RGS20: variants seen among roughly 807,000 people sequenced by gnomAD.
The protein encoded by RGS20 is regulator of G protein signaling 20, also known as gz-selective GTPase-activating protein.
A neutral mutation model predicts 33.6 loss-of-function variants in RGS20; 30 were observed. The observed-to-expected ratio is 0.89, with a 90% CI of 0.67 to 1.21. The LOEUF (loss-of-function observed/expected upper bound fraction) is 1.21. RGS20 is among the 50% of genes most tolerant of loss of function. RGS20 has a pLI of 0.00. For missense variants in RGS20, 472 were observed against 502.4 expected, an observed-to-expected ratio of 0.94 and a Z score of 0.58; for synonymous variants, 208 against 197.9, an observed-to-expected ratio of 1.05 and a Z score of -0.43.
rs1713529010 is a variant in RGS20 at position 53,958,352 on chromosome 8, T to A, written c.1061T>A (p.Leu354His). The A allele has an allele frequency of 1.2e-6, 2 of 1,613,762 alleles. No homozygotes were observed. Among genetic ancestry groups the A allele is most frequent in the African/African-American group, 2.7e-5 (2 of 74,884 alleles). ...CAACACATATTCGATGATGCTCAAC[T>A]TCAGATTTACACCCTGATGCACAGA... The change falls in exon 6 of 6, where the codon CTT becomes CAT. Residue 354 changes from leucine (L) to histidine (H), a missense_variant. Physicochemically the swap from Leu to His is moderately conservative, Grantham distance 99. Transcript: ENST00000297313.
chr8:53,909,589 T>C (rs970409801), intron 2 of RGS20, among the ~76,000 whole-genome samples: 1 of 152,006 alleles, frequency 6.6e-6, no homozygotes, highest in Non-Finnish European at 1.5e-5. Context: ...GTTATTATAA[T>C]AGTGTACAGG....
chr8:53,924,277 C>A (rs1384475443), intron 2 of RGS20, among the ~76,000 whole-genome samples: 1 of 151,982 alleles, frequency 6.6e-6, no homozygotes, highest in Non-Finnish European at 1.5e-5. Flanking sequence ...GCAACCTCCG[C>A]CTCCCGGGTT....
chr8:53,880,946 G>T lies in RGS20; in HGVS notation c.510+1344G>T. The stretch of plus-strand genomic sequence containing the variant: ...AGAGCCGGAGAAAGGCGAAAGGCGC[G>T]GTGAGCAATCGCCGACGTAGAGAGG... On this transcript the variant is annotated intron_variant, in intron 2 of 5. Coordinates refer to ENST00000297313, the MANE Select transcript of RGS20 (RefSeq NM_170587.4). 1.9e-6 allele frequency: 3 copies of T among 1,564,060 alleles called. No individual in the cohort carries two copies. The African/African-American group carries it at 4.0e-5, about 21-fold the overall frequency.
intron 4 of RGS20, 32 bp from the exon 4 acceptor site, chr8:53,954,044 C>T (rs756569098): frequency 1.7e-5 from 25 of 1,450,184 alleles, no homozygotes; most frequent in Non-Finnish European, 2.4e-5. Flanking sequence ...TAACAGTTCC[C>T]TTTTGCCCCC....
At chr8:53,918,471 C>T (rs1188733611) in intron 2 of RGS20, among the ~76,000 whole-genome samples, 1 of 151,712 alleles carries the variant, frequency 6.6e-6, no homozygotes, top group East Asian at 1.9e-4. Context: ...TTGCTGCAAC[C>T]TCTGCCTCCC....
rs34316630 is a variant in RGS20 at position 53,889,412 on chromosome 8, C to CTT, written c.510+9848_510+9849dup. On this transcript the variant is annotated intron_variant, in intron 2 of 5. Transcript: ENST00000297313. ...TCTTTCTTTCTTTCTCTCTCTCTCT[C>CTT]TTTTTTTTTTTTTTTTTTTTTTTTT... 6.4e-3 allele frequency among the ~76,000 whole-genome samples: 266 copies of CTT among 41,814 alleles called. 61 individuals carry two copies. Among genetic ancestry groups the CTT allele is most frequent in the Non-Finnish European group, 8.8e-3 (142 of 16,088 alleles). 27.4% of individuals were successfully genotyped at this position (41,814 alleles called of 152,430 possible).
chr8:53,900,277 A>G (rs1812974941), intron 2 of RGS20, among the ~76,000 whole-genome samples: 1 of 152,106 alleles, frequency 6.6e-6, no homozygotes, highest in Non-Finnish European at 1.5e-5. Flanking sequence ...GAATAGGTGG[A>G]ACTACAGGTG....
intron 4 of RGS20, among the ~76,000 whole-genome samples, chr8:53,951,824 C>A (rs1039820130): frequency 6.6e-6 from 1 of 151,952 alleles, no homozygotes; most frequent in Non-Finnish European, 1.5e-5. Flanking sequence ...TGAGGCCAGC[C>A]TGGCCAACAT....
At chr8:53,872,171 A>T (rs1284908168) in intron 1 of RGS20, among the ~76,000 whole-genome samples, 2 of 152,122 alleles carry the variant, frequency 1.3e-5, no homozygotes, top group Non-Finnish European at 2.9e-5. Flanking sequence ...TGTTAATTCA[A>T]TCTTTAAAAC....
At chr8:53,922,420 A>C (rs1017504114) in intron 2 of RGS20, among the ~76,000 whole-genome samples, 4 of 152,174 alleles carry the variant, frequency 2.6e-5, no homozygotes, top group Non-Finnish European at 5.9e-5. Context: ...TCTTGTAGAC[A>C]GCATATAGTT....
intron 3 of RGS20, chr8:53,945,303 T>C (rs191801210): frequency 1.4e-4 from 22 of 152,330 alleles, no homozygotes; most frequent in Admixed American, 1.3e-3. Context: ...CGATACATGC[T>C]ACGGCATGGG....
At chr8:53,886,553 T>G (rs1419394677) in intron 2 of RGS20, among the ~76,000 whole-genome samples, 1 of 152,234 alleles carries the variant, frequency 6.6e-6, no homozygotes, top group Admixed American at 6.5e-5. Context: ...TATTCTAAAG[T>G]GTAAAATCCT....
intron 1 of RGS20, among the ~76,000 whole-genome samples, chr8:53,871,488 G>T (rs559305561): frequency 6.6e-6 from 1 of 152,118 alleles, no homozygotes; most frequent in South Asian, 2.1e-4. Context: ...TTGGTGGCTG[G>T]TGTCTGTAAT....
intron 2 of RGS20, among the ~76,000 whole-genome samples, chr8:53,897,497 T>C (rs1431262567): frequency 2.0e-5 from 3 of 152,248 alleles, no homozygotes; most frequent in Admixed American, 6.5e-5. Context: ...TTAAGGAACT[T>C]ATCTTTTACT....
Position 53,858,207 on chromosome 8 carries a change from C to T in RGS20, c.165+6143C>T, listed in dbSNP as rs111551368. On this transcript the variant is annotated intron_variant, in intron 1 of 5. Coordinates refer to ENST00000297313, the MANE Select transcript of RGS20 (RefSeq NM_170587.4). Reference sequence around the variant, plus strand: ...TGGTGATCAACTTAAAAGTAAATGGCGGCTAGATGTGGTGGCTCACGTCTG... The same window carrying T: ...TGGTGATCAACTTAAAAGTAAATGGTGGCTAGATGTGGTGGCTCACGTCTG... Among the ~76,000 whole-genome samples, 820 of 152,078 alleles carry T rather than the reference C, an allele frequency of 5.4e-3. 8 individuals are homozygous for T. The highest frequency in any genetic ancestry group is 0.018 in the African/African-American group (760 of 41,486).
chr8:53,957,919 G>A lies in RGS20; in HGVS notation c.979-351G>A, dbSNP rs183502736. Reference sequence around the variant, plus strand: ...CCCAGCAGCTAGAGAGGCCGAGGCGGGCGGATAACCTGAGGTCAGGAGTTC... The same window carrying A: ...CCCAGCAGCTAGAGAGGCCGAGGCGAGCGGATAACCTGAGGTCAGGAGTTC... On this transcript the variant is annotated intron_variant, in intron 5 of 5. Coordinates refer to ENST00000297313, the MANE Select transcript of RGS20 (RefSeq NM_170587.4). 7.9e-5 allele frequency among the ~76,000 whole-genome samples: 12 copies of A among 152,280 alleles called. No individual in the cohort carries two copies. In the East Asian group the frequency reaches 2.3e-3, roughly 29 times the overall value.
At chr8:53,930,751 G>A (rs971782807) in intron 2 of RGS20, among the ~76,000 whole-genome samples, 3 of 151,928 alleles carry the variant, frequency 2.0e-5, no homozygotes, top group African/African-American at 7.3e-5. Context: ...GTTTTACCAT[G>A]TTGGCCGGGC....
intron 2 of RGS20, among the ~76,000 whole-genome samples, chr8:53,883,504 G>A (rs1178623487): frequency 6.6e-6 from 1 of 152,156 alleles, no homozygotes; most frequent in Non-Finnish European, 1.5e-5. Flanking sequence ...TAACGCATAT[G>A]AGAGGCAGTG....
chr8:53,878,050 C>A (rs1482067969), intron 1 of RGS20, among the ~76,000 whole-genome samples: 1 of 152,248 alleles, frequency 6.6e-6, no homozygotes, highest in Non-Finnish European at 1.5e-5. Context: ...CAACCCAGAA[C>A]ACCCGCGCTC....
Sources: gnomAD v4.1 joint callset for allele counts (sites outside exome capture counted in the v4.1 genomes callset) on GRCh38, gnomAD v4.1.1 for gene constraint, MANE v1.5 for transcripts, NCBI Gene and HGNC (gene_info 2026-07-23, HGNC 2026-07-21) for gene names.